SLC4A7: variants seen among roughly 807,000 people sequenced by gnomAD.
SLC4A7 encodes the protein sodium bicarbonate cotransporter 3.
A neutral mutation model predicts 137.6 loss-of-function variants in SLC4A7; 51 were observed. The ratio of observed to expected loss-of-function variants is 0.37; its 90% CI spans 0.30 to 0.47. The LOEUF (loss-of-function observed/expected upper bound fraction) is 0.47. Among genes scored for constraint, SLC4A7 ranks in the 20% least tolerant of loss-of-function variants. The pLI is 1.00. For missense variants in SLC4A7, 1,247 were observed against 1,525.4 expected (o/e 0.82, Z 3.04); for synonymous variants, 542 against 518.6 (o/e 1.05, Z -0.61).
chr3:27,430,270 T>C (rs2056129819), intron 7 of SLC4A7, among the ~76,000 whole-genome samples: 1 of 151,776 alleles, frequency 6.6e-6, no homozygotes, highest in Non-Finnish European at 1.5e-5. Flanking sequence ...TTTATTTGTA[T>C]GTGTTCATTC....
chr3:27,476,187 A>G (rs539396832), intron 1 of SLC4A7, among the ~76,000 whole-genome samples: 1 of 152,328 alleles, frequency 6.6e-6, no homozygotes, highest in Non-Finnish European at 1.5e-5. Context: ...AATGTATTTA[A>G]AAGTGGTGAA....
intron 3 of SLC4A7, among the ~76,000 whole-genome samples, chr3:27,441,052 A>T (rs1006202936): frequency 1.3e-5 from 2 of 151,840 alleles, no homozygotes; most frequent in South Asian, 2.1e-4. Context: ...TCTCAAAAAA[A>T]TATATAACAA....
intron 3 of SLC4A7, among the ~76,000 whole-genome samples, chr3:27,438,437 G>A (rs1484364824): frequency 1.3e-5 from 2 of 151,866 alleles, no homozygotes; most frequent in African/African-American, 2.4e-5. Context: ...CCCAGAAGGC[G>A]TAGGTTGCAG....
chr3:27,431,575 A>G lies in SLC4A7; in HGVS notation c.873T>C (p.Leu291=), dbSNP rs13077400. ...LRGESPLSLL[L]GHLLPSSRAG... ...CTCTTGAAGAAGGAAGAAGATGACC[A>G]AGAAGAAGAGATAAAGGTGATTCTC... The change falls in exon 7 of 26, where the codon CTT becomes CTC. Residue 291 remains leucine (L), a synonymous_variant. Transcript: ENST00000454389. The G allele has an allele frequency of 0.24, 389,570 of 1,613,658 alleles. 49,014 individuals carry two copies. The highest frequency in any genetic ancestry group is 0.26 in the Non-Finnish European group (310,361 of 1,179,724).
chr3:27,434,418 G>A (rs1478337551), intron 5 of SLC4A7, among the ~76,000 whole-genome samples: 1 of 152,050 alleles, frequency 6.6e-6, no homozygotes, highest in Admixed American at 6.6e-5. Flanking sequence ...AATAATACTG[G>A]CTTCCTAAGA....
intron 11 of SLC4A7, among the ~76,000 whole-genome samples, chr3:27,416,873 GA>G (rs2054438425): frequency 6.6e-6 from 1 of 152,116 alleles, no homozygotes; most frequent in African/African-American, 2.4e-5. Context: ...TTTTTGAATA[GA>G]AAGACTCAAA....
At chr3:27,419,129 C>T (rs1391687196) in intron 10 of SLC4A7, among the ~76,000 whole-genome samples, 4 of 151,934 alleles carry the variant, frequency 2.6e-5, no homozygotes, top group African/African-American at 7.3e-5. Context: ...ACTCAAGAAC[C>T]TTTTTTTCTA....
chr3:27,461,506 G>A lies in SLC4A7; in HGVS notation c.61-9008C>T, dbSNP rs186656130. On this transcript the variant is annotated intron_variant, in intron 1 of 25. Transcript: ENST00000454389. ...TTTTCTTTAAGCAGTAACAGGCCAG[G>A]AATGGTGATAATCCTACAACTTTGG... 4.0e-5 allele frequency among the ~76,000 whole-genome samples: 6 copies of A among 150,842 alleles called. No individual in the cohort carries two copies. The East Asian group carries it at 1.2e-3, about 29-fold the overall frequency.
At chr3:27,422,731 C>G in intron 8 of SLC4A7, 1 of 452,696 alleles carries the variant, frequency 2.2e-6, no homozygotes, top group Non-Finnish European at 4.5e-6. Context: ...ACACAAGTCA[C>G]TAAACAACCA....
intron 22 of SLC4A7, among the ~76,000 whole-genome samples, chr3:27,387,927 C>T (rs1012772171): frequency 2.0e-5 from 3 of 151,988 alleles, no homozygotes; most frequent in Non-Finnish European, 4.4e-5. Context: ...TTACAGCAGC[C>T]CTTGGAAGCT....
rs6768359 is a variant in SLC4A7 at position 27,484,217 on chromosome 3, C to T, written c.-91G>A. Reference sequence around the variant, plus strand: ...CTGCCCCTGCCGCCGCCGCCGAGCCCCCGGCGCGCGAGGACAAACGTGGGT... The same window carrying T: ...CTGCCCCTGCCGCCGCCGCCGAGCCTCCGGCGCGCGAGGACAAACGTGGGT... On this transcript the variant is annotated 5_prime_UTR_variant, in exon 1 of 26. Transcript: ENST00000454389. The T allele has an allele frequency of 0.13, 137,665 of 1,096,042 alleles. 9,553 individuals carry two copies. The highest frequency in any genetic ancestry group is 0.24 in the African/African-American group (14,332 of 60,932). The allele number at this position is 1,096,042 out of a possible 1,614,324, so 67.9% of individuals were successfully genotyped here. A position where few individuals can be genotyped will look rare whatever the true frequency, so the allele number is the denominator to read the frequency against.
intron 1 of SLC4A7, among the ~76,000 whole-genome samples, chr3:27,472,874 G>C (rs186028719): frequency 1.1e-4 from 17 of 152,342 alleles, no homozygotes; most frequent in East Asian, 5.8e-4. Context: ...GAGGTTAGGA[G>C]TTTGAGACCA....
In SLC4A7 at chr3:27,466,733, TG is replaced by T. The variant is rs539145976; in HGVS notation, c.61-14236del. ...TTAGCCCCGCGTGCTGGTGCGCGCC[TG>T]TAGTCCCAGCTACTAGGGAGGCTGA... On this transcript the variant is annotated intron_variant, in intron 1 of 25. Coordinates refer to ENST00000454389, the MANE Select transcript of SLC4A7 (RefSeq NM_001321103.2). Among the ~76,000 whole-genome samples the T allele has an allele frequency of 1.3e-3, 194 of 152,164 alleles. 1 individual carries two copies. Among genetic ancestry groups the T allele is most frequent in the African/African-American group, 4.5e-3 (187 of 41,526 alleles).
At chr3:27,439,564 G>A (rs886797545) in intron 3 of SLC4A7, among the ~76,000 whole-genome samples, 1 of 152,082 alleles carries the variant, frequency 6.6e-6, no homozygotes, top group Non-Finnish European at 1.5e-5. Flanking sequence ...CAACTATATA[G>A]AAATATAATT....
At chr3:27,398,073 T>C (rs12107333) in intron 17 of SLC4A7, 119 bp downstream of exon 17, 3 of 712,714 alleles carry the variant, frequency 4.2e-6, no homozygotes, top group African/African-American at 1.8e-5. Flanking sequence ...AATTTCTTTA[T>C]TAACCAGTTG....
chr3:27,414,551 C>A (rs576063627), intron 11 of SLC4A7, among the ~76,000 whole-genome samples: 7 of 152,152 alleles, frequency 4.6e-5, no homozygotes, highest in Non-Finnish European at 1.0e-4. Context: ...TATTTCATTT[C>A]TCTAAAAATG....
intron 1 of SLC4A7, among the ~76,000 whole-genome samples, chr3:27,454,513 C>T (rs1303399971): frequency 6.6e-6 from 1 of 152,142 alleles, no homozygotes; most frequent in African/African-American, 2.4e-5. Context: ...ACAAATTAAT[C>T]AAGCCGCCTT....
At chr3:27,382,623 A>G (rs1202746757) in intron 24 of SLC4A7, among the ~76,000 whole-genome samples, 1 of 152,174 alleles carries the variant, frequency 6.6e-6, no homozygotes, top group Non-Finnish European at 1.5e-5. Context: ...CATCATATGA[A>G]CCCTCACCGC....
chr3:27,483,146 C>G (rs1276534774), intron 1 of SLC4A7, among the ~76,000 whole-genome samples: 1 of 152,230 alleles, frequency 6.6e-6, no homozygotes, highest in African/African-American at 2.4e-5. Flanking sequence ...ACTTCCATCT[C>G]CTTTGAGTCA....
Sources: gnomAD v4.1 joint callset for allele counts (sites outside exome capture counted in the v4.1 genomes callset) on GRCh38, gnomAD v4.1.1 for gene constraint, MANE v1.5 for transcripts, NCBI Gene and HGNC (gene_info 2026-07-23, HGNC 2026-07-21) for gene names.